The following FUS variants were observed in gnomAD, a reference collection of about 807,000 sequenced individuals.
The protein encoded by FUS is FUS RNA binding protein, also known as RNA-binding protein FUS.
In FUS, 5 loss-of-function variants were observed where a neutral mutation model predicts 82.7. That is an observed-to-expected ratio of 0.06 (90% confidence interval 0.03 to 0.13). FUS has a LOEUF of 0.13. Ranked by LOEUF, FUS falls within the 10% of genes least tolerant of loss-of-function variation. FUS has a pLI of 1.00. For synonymous variants in FUS, 281 were observed against 247.4 expected (o/e 1.14, Z -1.27); for missense variants, 512 against 707.8 (o/e 0.72, Z 3.14).
chr16:31,189,818 G>A lies in FUS; in HGVS notation c.1066+24G>A, dbSNP rs543862509. On this transcript the variant is annotated intron_variant, in intron 10 of 14. Transcript: ENST00000254108. ...TGGTATGTATGAGAAGGCTGGCAGA[G>A]GTGGGGCTGGGGATATAGGGCAGCA... 9 of 1,613,844 alleles carry A rather than the reference G, an allele frequency of 5.6e-6. No homozygotes were observed. The African/African-American group carries it at 1.1e-4, about 19-fold the overall frequency.
intron 11 of FUS, 29 bp from the exon 12 acceptor site, chr16:31,190,246 C>G: frequency 6.2e-7 from 1 of 1,614,042 alleles, no homozygotes; most frequent in Non-Finnish European, 8.5e-7. Flanking sequence ...GGAGAGGGAG[C>G]AGACCCATAC....
chr16:31,184,534 T>C lies in FUS; in HGVS notation c.523+138T>C, dbSNP rs556074761. 49 of 908,258 alleles carry C rather than the reference T, an allele frequency of 5.4e-5. No homozygotes were observed. In the African/African-American group the frequency reaches 6.7e-4, roughly 12 times the overall value. The allele number at this position is 908,258 out of a possible 1,614,324, so 56.3% of individuals were successfully genotyped here. A position where few individuals can be genotyped will look rare whatever the true frequency, so the allele number is the denominator to read the frequency against. ...TCTCGGCTCACTGCAAGCTCCGCCTTCCGGGTTCGCGCCAGTCTCCTGCCT... is the reference window on the plus strand; with the variant it reads ...TCTCGGCTCACTGCAAGCTCCGCCTCCCGGGTTCGCGCCAGTCTCCTGCCT... On this transcript the variant is annotated intron_variant, in intron 5 of 14. Coordinates refer to ENST00000254108, the MANE Select transcript of FUS (RefSeq NM_004960.4).
At position 31,185,092 on chromosome 16, in the gene FUS, G is replaced by T. The variant is rs1262723992; in HGVS notation, c.677G>T (p.Gly226Val). The change falls in exon 6 of 15, where the codon GGC (glycine) becomes GTC (valine). Residue 226 changes from glycine (G) to valine (V), a missense_variant. Coordinates refer to ENST00000254108, the MANE Select transcript of FUS (RefSeq NM_004960.4). ...AGGGGTGGCAGTGGTGGCGGCGGCG[G>T]CGGCGGCGGTGGTGGTTACAACCGC... ...RGRGGSGGGGGGGGGGYNRSS... is the reference protein window; with the variant it reads ...RGRGGSGGGGVGGGGGYNRSS... 1 of 1,606,530 alleles carries T rather than the reference G, an allele frequency of 6.2e-7. No homozygotes were observed. Among genetic ancestry groups the T allele is most frequent in the Non-Finnish European group, 8.5e-7 (1 of 1,176,756 alleles).
At chr16:31,182,288 G>GC in intron 1 of FUS, 110 bp from the exon 2 acceptor site, 1 of 1,299,206 alleles carries the variant, frequency 7.7e-7, no homozygotes, top group South Asian at 1.2e-5. Flanking sequence ...ACCGTGCCTG[G>GC]CCTACGTGGT....
intron 12 of FUS, 134 bp from the exon 13 acceptor site, chr16:31,190,608 G>C (rs2079340140): frequency 1.7e-6 from 2 of 1,174,032 alleles, no homozygotes; most frequent in Admixed American, 1.7e-5. Context: ...TCCTGACTCT[G>C]AGAAGCAAGC....
At chr16:31,184,024 G>A (rs544162688) in intron 4 of FUS, 22 bp downstream of exon 4, 3 of 1,613,048 alleles carry the variant, frequency 1.9e-6, no homozygotes, top group Admixed American at 3.3e-5. Flanking sequence ...TTGATGTCGG[G>A]GAAGGCTTGA....
chr16:31,180,408 C>G (rs1262711077), intron 1 of FUS, among the ~76,000 whole-genome samples, 181 bp downstream of exon 1: 2 of 152,130 alleles, frequency 1.3e-5, no homozygotes, highest in African/African-American at 2.4e-5. Context: ...TTTCGCTCCT[C>G]TGGCCCTCGC....
intron 1 of FUS, among the ~76,000 whole-genome samples, chr16:31,181,132 C>T (rs1206570280): frequency 6.6e-6 from 1 of 152,160 alleles, no homozygotes; most frequent in Non-Finnish European, 1.5e-5. Flanking sequence ...TCAGGCTGGT[C>T]TCGAACTGCT....
At chr16:31,190,931 G>A (rs187889178) in intron 13 of FUS, 32 bp from the exon 14 acceptor site, 1 of 1,611,538 alleles carries the variant, frequency 6.2e-7, no homozygotes, top group East Asian at 2.2e-5. Flanking sequence ...AGGGGAATGG[G>A]AATATGATAG....
intron 6 of FUS, 55 bp downstream of exon 6, chr16:31,185,234 T>G (rs1393818589): frequency 2.6e-6 from 4 of 1,528,500 alleles, no homozygotes; most frequent in African/African-American, 1.4e-5. Context: ...GAGGATTGCA[T>G]GAATCTCCCT....
chr16:31,191,634 C>T (rs886051938), downstream of FUS: 6 of 718,196 alleles, frequency 8.4e-6, no homozygotes, highest in South Asian at 6.0e-5. Context: ...TTTTCACTTT[C>T]CTGGAAGATC....
chr16:31,193,560 G>A (rs1050885822), downstream of FUS: 3 of 529,994 alleles, frequency 5.7e-6, no homozygotes, highest in African/African-American at 5.6e-5. Flanking sequence ...TATGATTACT[G>A]GGACCATTAG....
Position 31,191,353 on chromosome 16 carries a change from TA to T in FUS, c.1542-44del, listed in dbSNP as rs779778530. On this transcript the variant is annotated intron_variant, in intron 14 of 14. Transcript: ENST00000254108. ...GGATATCTAGGCTTGGAGAGGCTGG[TA>T]ACTCAAATATAATGGATACTTAATT... The T allele has an allele frequency of 5.8e-5, 93 of 1,601,914 alleles. 1 individual carries two copies. The East Asian group carries it at 1.9e-3, about 32-fold the overall frequency.
At position 31,190,406 on chromosome 16, in the gene FUS, A is replaced by T. The variant is rs766730694; in HGVS notation, c.1292+8A>T. On this transcript the variant is annotated splice_region_variant and intron_variant, in intron 12 of 14. Transcript: ENST00000254108. ...CTGGAAGTGTCCTAATCCGTGAGTG[A>T]AACTTAATTTTTTTCTTAGTTCTCT... 1 of 1,614,146 alleles carries T rather than the reference A, an allele frequency of 6.2e-7. No individual in the cohort carries two copies. The highest frequency in any genetic ancestry group is 8.5e-7 in the Non-Finnish European group (1 of 1,180,014).
In FUS at chr16:31,182,521, C is replaced by T. The variant is rs139980267; in HGVS notation, c.47C>T (p.Ala16Val). 6.9e-5 allele frequency: 111 copies of T among 1,614,140 alleles called. No individual in the cohort carries two copies. The African/African-American group carries it at 1.3e-3, about 19-fold the overall frequency. The change falls in exon 3 of 15, where the codon GCC (alanine) becomes GTC (valine). Residue 16 changes from alanine to valine, a missense_variant. Around this residue, in one of 6 missense-constraint regions of FUS, gnomAD observed 276 missense variants for 303.3 expected, o/e 0.91. Transcript: ENST00000254108. ...GTTTTCCTTTTATTTAGCTATGGGG[C>T]CTACCCCACCCAGCCCGGGCAGGGC... Reference protein sequence around the residue: ...YTQQATQSYGAYPTQPGQGYS... With the variant: ...YTQQATQSYGVYPTQPGQGYS...
At chr16:31,193,883 G>C (rs1282149928), downstream of FUS, 1 of 527,564 alleles carries the variant, frequency 1.9e-6, no homozygotes, top group East Asian at 4.0e-5. Flanking sequence ...CTGGCCTCAA[G>C]TGACCTGCCT....
At chr16:31,193,741 T>G, downstream of FUS, 1 of 530,622 alleles carries the variant, frequency 1.9e-6, no homozygotes, top group Non-Finnish European at 3.6e-6. Context: ...CAAGCCAACC[T>G]CCCACCTCAG....
At chr16:31,194,562 T>A (rs1171538577), downstream of FUS, 3 of 500,166 alleles carry the variant, frequency 6.0e-6, no homozygotes, top group East Asian at 9.0e-5. Flanking sequence ...CACTTTGGCC[T>A]CCCAGAGTGC....
At chr16:31,189,528 A>C in intron 9 of FUS, 137 bp from the exon 10 acceptor site, 3 of 1,172,996 alleles carry the variant, frequency 2.6e-6, no homozygotes, top group Non-Finnish European at 3.7e-6. Context: ...GGAGGTTTAC[A>C]TGTGAGGTAG....
Sources: gnomAD v4.1 joint callset for allele counts (sites outside exome capture counted in the v4.1 genomes callset) on GRCh38, gnomAD v4.1.1 for gene constraint, gnomAD v4.1.1 regional missense constraint, MANE v1.5 for transcripts, NCBI Gene and HGNC (gene_info 2026-07-23, HGNC 2026-07-21) for gene names.